The following TASP1 variants were observed in gnomAD, a reference collection of about 807,000 sequenced individuals.
The protein encoded by TASP1 is threonine aspartase 1.
Under a neutral mutation model 56.6 loss-of-function variants are expected in TASP1, and 16 were observed. The observed-to-expected ratio is 0.28, with a 90% confidence interval of 0.19 to 0.43. TASP1 has a LOEUF of 0.43. TASP1 is among the 20% of genes least tolerant of loss of function. TASP1 has a pLI of 1.00. For synonymous variants in TASP1, 179 were observed against 184.2 expected, an observed-to-expected ratio of 0.97 and a Z score of 0.23; for missense variants, 393 against 511.6, an observed-to-expected ratio of 0.77 and a Z score of 2.24.
the TASP1 span, among the ~76,000 whole-genome samples, chr20:13,218,213 T>G: frequency 2.5e-4 from 35 of 141,240 alleles, no homozygotes; most frequent in South Asian, 4.4e-3. Flanking sequence ...ATCGCACCAC[T>G]ACACTCCAGC....
chr20:13,625,371 C>G, intron 2 of TASP1, 119 bp from the exon 3 acceptor site: 1 of 683,270 alleles, frequency 1.5e-6, no homozygotes, highest in Non-Finnish European at 2.3e-6. Flanking sequence ...ATTGCCCTAA[C>G]TGTATGGCGT....
chr20:13,389,036 A>G (rs1446125527), downstream of TASP1, among the ~76,000 whole-genome samples: 1 of 152,246 alleles, frequency 6.6e-6, no homozygotes, highest in Non-Finnish European at 1.5e-5. Context: ...TACATAAAAA[A>G]AAAAGAAAAA....
Position 13,595,322 on chromosome 20 carries a change from C to T in TASP1, c.283-7952G>A, listed in dbSNP as rs569231258. Among the ~76,000 whole-genome samples the T allele has an allele frequency of 2.6e-4, 39 of 152,272 alleles. No individual in the cohort carries two copies. In the South Asian group the frequency reaches 2.9e-3, roughly 11 times the overall value. On this transcript the variant is annotated intron_variant, in intron 4 of 13. Transcript: ENST00000337743. ...GCTATGAAGAAACTGTATCAATTAA[C>T]GGCAAAATAACCAGCTAACATCATA... is the stretch of plus-strand genomic sequence containing the variant.
chr20:13,377,842 T>C, the TASP1 span, among the ~76,000 whole-genome samples: 13 of 152,186 alleles, frequency 8.5e-5, no homozygotes, highest in African/African-American at 3.1e-4. Context: ...TTCTTCTAGA[T>C]TTGCTAGTTT....
chr20:13,123,147 A>G, the TASP1 span, among the ~76,000 whole-genome samples: 2 of 152,100 alleles, frequency 1.3e-5, no homozygotes, highest in African/African-American at 2.4e-5. Flanking sequence ...CCTGGCCAAC[A>G]TGGTGAAACC....
At chr20:13,504,378 T>C (rs540963646) in intron 10 of TASP1, among the ~76,000 whole-genome samples, 1 of 151,800 alleles carries the variant, frequency 6.6e-6, no homozygotes, top group East Asian at 1.9e-4. Flanking sequence ...AAGCTGTCCT[T>C]CAGAAAAGGA....
At chr20:13,366,188 C>G in the TASP1 span, among the ~76,000 whole-genome samples, 2 of 152,106 alleles carry the variant, frequency 1.3e-5, no homozygotes, top group African/African-American at 4.8e-5. Flanking sequence ...AGTAGGTAAT[C>G]TGGAGTTTGG....
chr20:13,145,449 C>T, the TASP1 span, among the ~76,000 whole-genome samples: 12 of 152,036 alleles, frequency 7.9e-5, no homozygotes, highest in Non-Finnish European at 1.5e-5. Context: ...AAGATCTCTA[C>T]AATGAAAATT....
the TASP1 span, among the ~76,000 whole-genome samples, chr20:13,179,645 G>C: frequency 6.6e-6 from 1 of 152,116 alleles, no homozygotes; most frequent in Non-Finnish European, 1.5e-5. Context: ...AAAAGTGTGA[G>C]AGGCCTCTTG....
chr20:13,418,487 C>T (rs1429825234), intron 12 of TASP1, among the ~76,000 whole-genome samples: 1 of 152,168 alleles, frequency 6.6e-6, no homozygotes, highest in Non-Finnish European at 1.5e-5. Flanking sequence ...TGAGCCCATA[C>T]TGATCCAAAC....
chr20:13,294,026 G>A, the TASP1 span, among the ~76,000 whole-genome samples: 12,085 of 152,080 alleles, frequency 0.079, 619 homozygotes, highest in Admixed American at 0.11. Flanking sequence ...CTACAGTGTC[G>A]GGGGCAGTAG....
chr20:13,361,334 C>T, the TASP1 span, among the ~76,000 whole-genome samples: 1 of 152,330 alleles, frequency 6.6e-6, no homozygotes, highest in African/African-American at 2.4e-5. Context: ...AGCCCTCCCA[C>T]CTCAATACAG....
chr20:13,143,770 C>T, the TASP1 span, among the ~76,000 whole-genome samples: 1 of 152,222 alleles, frequency 6.6e-6, no homozygotes, highest in African/African-American at 2.4e-5. Context: ...CACGGTTTCT[C>T]AGAGCCCTTT....
intron 10 of TASP1, among the ~76,000 whole-genome samples, chr20:13,494,665 C>T (rs1309912694): frequency 6.6e-6 from 1 of 152,028 alleles, no homozygotes; most frequent in Non-Finnish European, 1.5e-5. Flanking sequence ...CATGCTCATT[C>T]CATAACAGTC....
At chr20:13,339,026 T>C in the TASP1 span, among the ~76,000 whole-genome samples, 3 of 151,986 alleles carry the variant, frequency 2.0e-5, no homozygotes, top group Non-Finnish European at 4.4e-5. Context: ...TCATACATCA[T>C]AGGAAAGGAA....
the TASP1 span, among the ~76,000 whole-genome samples, chr20:13,201,183 T>G: frequency 6.6e-6 from 1 of 152,260 alleles, no homozygotes; most frequent in East Asian, 1.9e-4. Flanking sequence ...CTGATTTGCA[T>G]GTTTAAAAGA....
At chr20:13,559,168 A>T (rs1357560214) in intron 7 of TASP1, 54 bp from the exon 8 acceptor site, 1 of 1,130,246 alleles carries the variant, frequency 8.8e-7, no homozygotes, top group Non-Finnish European at 1.2e-6. Context: ...ATATTAGGGC[A>T]ATGGGTCAAA....
intron 13 of TASP1, among the ~76,000 whole-genome samples, chr20:13,394,468 C>T (rs556970860): frequency 3.8e-4 from 58 of 151,980 alleles, no homozygotes; most frequent in African/African-American, 1.3e-3. Context: ...AAAAATTAGC[C>T]GGACGTGGTG....
At chr20:13,169,301 G>A in the TASP1 span, among the ~76,000 whole-genome samples, 40 of 152,202 alleles carry the variant, frequency 2.6e-4, no homozygotes, top group East Asian at 5.4e-3. Flanking sequence ...TGGCCACAAT[G>A]GGAGTATTTA....
Sources: gnomAD v4.1 joint callset for allele counts (sites outside exome capture counted in the v4.1 genomes callset) on GRCh38, gnomAD v4.1.1 for gene constraint, MANE v1.5 for transcripts, NCBI Gene and HGNC (gene_info 2026-07-23, HGNC 2026-07-21) for gene names.